The following ATP9A variants were observed in gnomAD, a reference collection of about 807,000 sequenced individuals.
ATP9A encodes the protein ATPase phospholipid transporting 9A, also known as probable phospholipid-transporting ATPase IIA.
ATP9A carries 52 observed loss-of-function variants against 144.1 expected under a neutral mutation model. That is an observed-to-expected ratio of 0.36 (90% CI 0.29 to 0.45). ATP9A has a LOEUF of 0.45. Ranked by LOEUF, ATP9A falls within the 20% of genes least tolerant of loss-of-function variation. The probability of loss-of-function intolerance (pLI) is 1.00; values close to 1 mark genes in which losing one functional copy is unlikely to be tolerated. For missense variants in ATP9A, 947 were observed against 1,392.7 expected, an observed-to-expected ratio of 0.68 and a Z score of 5.09; for synonymous variants, 582 against 557.4, an observed-to-expected ratio of 1.04 and a Z score of -0.62.
intron 27 of ATP9A, among the ~76,000 whole-genome samples, chr20:51,603,046 C>T (rs1223924564): frequency 6.8e-6 from 1 of 147,382 alleles, no homozygotes; most frequent in Admixed American, 6.8e-5. Context: ...AGGTTTCCCA[C>T]GGAGGATGGG....
intron 1 of ATP9A, among the ~76,000 whole-genome samples, chr20:51,761,616 C>T (rs942235181): frequency 1.3e-5 from 2 of 151,912 alleles, no homozygotes; most frequent in South Asian, 2.1e-4. Flanking sequence ...AAAAATTAGC[C>T]GAGCGTGGTG....
At chr20:51,731,000 T>C (rs2077738557) in intron 1 of ATP9A, among the ~76,000 whole-genome samples, 1 of 151,360 alleles carries the variant, frequency 6.6e-6, no homozygotes, top group Non-Finnish European at 1.5e-5. Flanking sequence ...GAGACTCTCA[T>C]CTCTATTAAA....
At chr20:51,687,180 C>T (rs2077526819) in intron 9 of ATP9A, among the ~76,000 whole-genome samples, 2 of 150,816 alleles carry the variant, frequency 1.3e-5, no homozygotes, top group African/African-American at 2.5e-5. Context: ...CTGCATGCTG[C>T]GTCCCCTGGG....
intron 13 of ATP9A, among the ~76,000 whole-genome samples, chr20:51,661,868 T>G (rs2122775648): frequency 6.6e-6 from 1 of 152,274 alleles, no homozygotes. Flanking sequence ...TGTTTACTGT[T>G]TTAGAGCAGA....
intron 7 of ATP9A, 110 bp from the exon 8 acceptor site, chr20:51,690,929 G>C: frequency 1.2e-6 from 1 of 863,354 alleles, no homozygotes; most frequent in Non-Finnish European, 1.9e-6. Context: ...ACAGCAAATG[G>C]CCCCTCAAAA....
intron 1 of ATP9A, among the ~76,000 whole-genome samples, chr20:51,739,390 G>C (rs1262139600): frequency 3.0e-5 from 4 of 132,362 alleles, no homozygotes; most frequent in Admixed American, 8.8e-5. Context: ...TTGCTCTGTC[G>C]CCCAGGCTGG....
chr20:51,660,356 A>G (rs2077405785), intron 13 of ATP9A, among the ~76,000 whole-genome samples: 1 of 152,226 alleles, frequency 6.6e-6, no homozygotes, highest in African/African-American at 2.4e-5. Context: ...CAAACATGGG[A>G]TAACACAGAG....
intron 7 of ATP9A, among the ~76,000 whole-genome samples, chr20:51,692,511 T>C (rs1157997326): frequency 6.6e-6 from 1 of 152,036 alleles, no homozygotes; most frequent in Non-Finnish European, 1.5e-5. Context: ...CGTGGGGTCC[T>C]GGAGAGCCCC....
At chr20:51,643,927 G>A (rs542031250) in intron 14 of ATP9A, among the ~76,000 whole-genome samples, 1 of 152,094 alleles carries the variant, frequency 6.6e-6, no homozygotes, top group South Asian at 2.1e-4. Context: ...CCTGAGGTCA[G>A]GAGTTCAAGA....
At chr20:51,688,705 G>GC (rs2077534342) in intron 9 of ATP9A, among the ~76,000 whole-genome samples, 1 of 152,064 alleles carries the variant, frequency 6.6e-6, no homozygotes, top group East Asian at 1.9e-4. Context: ...CTTTCCTAGG[G>GC]CCCCAGTGCT....
intron 22 of ATP9A, among the ~76,000 whole-genome samples, chr20:51,616,143 T>C (rs934750604): frequency 6.6e-6 from 1 of 152,102 alleles, no homozygotes; most frequent in South Asian, 2.1e-4. Flanking sequence ...ATCATTTCAC[T>C]CTACAACTTT....
intron 13 of ATP9A, among the ~76,000 whole-genome samples, chr20:51,664,129 C>T (rs1350533316): frequency 2.0e-5 from 3 of 152,106 alleles, no homozygotes; most frequent in African/African-American, 7.2e-5. Context: ...AGTCTCCTGC[C>T]TCAGCCTCCA....
intron 14 of ATP9A, among the ~76,000 whole-genome samples, chr20:51,650,902 T>TACAC (rs10666493): frequency 0.24 from 36,056 of 149,152 alleles, 5,011 homozygotes; most frequent in East Asian, 0.46. Context: ...ACATCACACA[T>TACAC]ACACACACAC....
At chr20:51,683,029 T>A (rs745576328) in intron 9 of ATP9A, among the ~76,000 whole-genome samples, 5 of 146,718 alleles carry the variant, frequency 3.4e-5, no homozygotes, top group Non-Finnish European at 7.5e-5. Context: ...GAGGTGGAGG[T>A]TGCAATGAGC....
Position 51,604,840 on chromosome 20 carries a change from A to G in ATP9A, c.2984T>C (p.Leu995Pro). The G allele has an allele frequency of 1.3e-6, 2 of 1,540,652 alleles. No homozygotes were observed. Among genetic ancestry groups the G allele is most frequent in the South Asian group, 1.2e-5 (1 of 80,372 alleles). The change falls in exon 27 of 28, where the codon CTG becomes CCG. Residue 995 changes from leucine (L) to proline (P), a missense_variant. This residue lies in a region of ATP9A where 177 missense variants were observed against 344.9 expected (regional missense o/e 0.51). Transcript: ENST00000338821. ...LLSLACYIAS[L>P]VFLHEFIDVY... ...ACCGATGAACTCGTGTAAGAACACC[A>G]GGGAGGCGATGTAGCAGGCCAGGCT...
intron 1 of ATP9A, among the ~76,000 whole-genome samples, chr20:51,761,595 A>T (rs2077880830): frequency 6.6e-6 from 1 of 152,052 alleles, no homozygotes; most frequent in South Asian, 2.1e-4. Context: ...CCCCGTCTCT[A>T]ATAAAATACA....
chr20:51,729,515 TG>T (rs1180580265), intron 2 of ATP9A, among the ~76,000 whole-genome samples: 1 of 152,142 alleles, frequency 6.6e-6, no homozygotes, highest in Admixed American at 6.6e-5. Flanking sequence ...GAGGCTGAAG[TG>T]GGTGGATCAC....
At chr20:51,694,757 G>A (rs1337760654) in intron 6 of ATP9A, among the ~76,000 whole-genome samples, 1 of 152,194 alleles carries the variant, frequency 6.6e-6, no homozygotes, top group Non-Finnish European at 1.5e-5. Flanking sequence ...ATCCGTGCAA[G>A]TAGTCAGCTG....
chr20:51,676,987 G>T (rs2077480224), intron 9 of ATP9A, among the ~76,000 whole-genome samples: 1 of 139,732 alleles, frequency 7.2e-6, no homozygotes, highest in Non-Finnish European at 1.5e-5. Flanking sequence ...GAGTGCAGTG[G>T]CACAATCATA....
Sources: gnomAD v4.1 joint callset for allele counts (sites outside exome capture counted in the v4.1 genomes callset) on GRCh38, gnomAD v4.1.1 for gene constraint, gnomAD v4.1.1 regional missense constraint, MANE v1.5 for transcripts, NCBI Gene and HGNC (gene_info 2026-07-23, HGNC 2026-07-21) for gene names.